CACNA1H: variants seen among roughly 807,000 people sequenced by gnomAD.
The protein encoded by CACNA1H is voltage-dependent T-type calcium channel subunit alpha-1H.
Under a neutral mutation model 192.5 loss-of-function variants are expected in CACNA1H, and 149 were observed. That is an observed-to-expected ratio of 0.77 (90% CI 0.68 to 0.89). The LOEUF (loss-of-function observed/expected upper bound fraction) is 0.89, where lower values mean the gene tolerates loss of function less well. Among genes scored for constraint, CACNA1H ranks in the 40% least tolerant of loss-of-function variants. The probability of loss-of-function intolerance (pLI) is 0.00; values close to 1 mark genes in which losing one functional copy is unlikely to be tolerated. For synonymous variants in CACNA1H, 2,202 were observed against 1,475.2 expected, an observed-to-expected ratio of 1.49 and a Z score of -11.29; for missense variants, 4,257 against 3,423.5, an observed-to-expected ratio of 1.24 and a Z score of -6.08.
At position 1,220,869 on chromosome 16, in the gene CACNA1H, C is replaced by G. The variant is rs1270044133; in HGVS notation, c.6937C>G (p.Pro2313Ala). The G allele has an allele frequency of 6.2e-7, 1 of 1,612,632 alleles. No homozygotes were observed. The highest frequency in any genetic ancestry group is 1.3e-5 in the African/African-American group (1 of 74,928). ...ACCCCCAGAATCAGAGCCTCCCATG[C>G]CCGTCGGTGACCCCCCAGAGAAGAG... is the stretch of plus-strand genomic sequence containing the variant. ...LEPPESEPPM[P>A]VGDPPEKRRG... Residue 2313 changes from proline to alanine, a missense_variant, in exon 35 of 35, where the codon CCC becomes GCC. Transcript: ENST00000348261.
rs576145899 is a variant in CACNA1H, at chr16:1,220,501, C to A, written c.6569C>A (p.Pro2190His). 5.2e-6 allele frequency: 8 copies of A among 1,542,460 alleles called. No individual in the cohort carries two copies. The East Asian group carries it at 1.1e-4, about 22-fold the overall frequency. Residue 2190 changes from proline to histidine, a missense_variant, in exon 35 of 35, where the codon CCC (proline) becomes CAC (histidine). Transcript: ENST00000348261. The part of the protein sequence containing the change: ...GARRKKKMSP[P>H]CISVEPPAED... ...CGCAGAAAGAAGAAGATGAGCCCCCCCTGCATCTCGGTGGAACCCCCTGCG... is the reference window on the plus strand; with the variant it reads ...CGCAGAAAGAAGAAGATGAGCCCCCACTGCATCTCGGTGGAACCCCCTGCG...
chr16:1,158,494 C>A (rs1354191310), intron 2 of CACNA1H, among the ~76,000 whole-genome samples: 1 of 152,200 alleles, frequency 6.6e-6, no homozygotes, highest in Admixed American at 6.5e-5. Flanking sequence ...CATTCCCTCC[C>A]CTTCATGGAA....
chr16:1,165,385 C>G (rs554686717), intron 2 of CACNA1H, among the ~76,000 whole-genome samples: 1 of 152,210 alleles, frequency 6.6e-6, no homozygotes, highest in African/African-American at 2.4e-5. Flanking sequence ...TTCGTGACAG[C>G]ACAGAGTTTT....
chr16:1,200,713 C>A lies in CACNA1H; in HGVS notation c.1120-3C>A, dbSNP rs559931034. 4.5e-6 allele frequency: 7 copies of A among 1,564,568 alleles called. No homozygotes were observed. Among genetic ancestry groups the A allele is most frequent in the East Asian group, 2.4e-5 (1 of 41,790 alleles). On this transcript the variant is annotated splice_polypyrimidine_tract_variant and splice_region_variant and intron_variant, in intron 7 of 34. Coordinates refer to ENST00000348261, the MANE Select transcript of CACNA1H (RefSeq NM_021098.3). ...GGCCCAAGTCAAGCCACTGCCCCCCCAGGTGATCACGCTGGAAGGCTGGGT... is the reference window on the plus strand; with the variant it reads ...GGCCCAAGTCAAGCCACTGCCCCCCAAGGTGATCACGCTGGAAGGCTGGGT...
chr16:1,205,853 C>T (rs912894251), intron 11 of CACNA1H, among the ~76,000 whole-genome samples: 1 of 152,218 alleles, frequency 6.6e-6, no homozygotes, highest in Non-Finnish European at 1.5e-5. Flanking sequence ...CTTCCCTGCC[C>T]TGGCCAGAGC....
rs376034289 is a variant in CACNA1H at position 1,211,823 on chromosome 16, G to T, written c.4566+18G>T. On this transcript the variant is annotated intron_variant, in intron 24 of 34. Coordinates refer to ENST00000348261, the MANE Select transcript of CACNA1H (RefSeq NM_021098.3). ...ACCAGCAGGTGCGCACAGGCGGGTC[G>T]AGCTGGGTCACCTCAGGGTCTCCCG... 1.2e-6 allele frequency: 2 copies of T among 1,611,566 alleles called. No individual in the cohort carries two copies. Among genetic ancestry groups the T allele is most frequent in the Admixed American group, 1.7e-5 (1 of 60,022 alleles).
chr16:1,207,925 G>A (rs1044612864), intron 15 of CACNA1H, 65 bp downstream of exon 15: 9 of 1,540,648 alleles, frequency 5.8e-6, no homozygotes, highest in Middle Eastern at 1.7e-4. Flanking sequence ...GCCGGGCAGG[G>A]CCCCCATAAG....
rs574107044 is a variant in CACNA1H, at chr16:1,170,547, C to T, written c.299+16511C>T. 2.6e-5 allele frequency among the ~76,000 whole-genome samples: 4 copies of T among 152,328 alleles called. No homozygotes were observed. In the East Asian group the frequency reaches 5.8e-4, roughly 22 times the overall value. On this transcript the variant is annotated intron_variant, in intron 2 of 34. Coordinates refer to ENST00000348261, the MANE Select transcript of CACNA1H (RefSeq NM_021098.3). ...TGCGGACCCCCACAAGCCCAGTGGC[C>T]GTCAGCCTTGGGATTTTGGGGTTTT...
At chr16:1,198,006 C>T (rs1379553104) in intron 5 of CACNA1H, among the ~76,000 whole-genome samples, 4 of 152,202 alleles carry the variant, frequency 2.6e-5, no homozygotes, top group Admixed American at 6.5e-5. Flanking sequence ...TCCCCACCGC[C>T]TCCAGCAGCC....
intron 2 of CACNA1H, among the ~76,000 whole-genome samples, chr16:1,182,534 C>T (rs1965579492): frequency 6.6e-6 from 1 of 152,150 alleles, no homozygotes; most frequent in Non-Finnish European, 1.5e-5. Flanking sequence ...TTGGCTGCTG[C>T]CCGGGCTCCC....
In CACNA1H at chr16:1,175,807, C is replaced by T. The variant is rs116941892; in HGVS notation, c.300-19165C>T. ...GGCAGTGGGCGTTGCAGGCCGCGGG[C>T]GAGTTGGGCTGGGCTTGGGATGGTG... On this transcript the variant is annotated intron_variant, in intron 2 of 34. Coordinates refer to ENST00000348261, the MANE Select transcript of CACNA1H (RefSeq NM_021098.3). Among the ~76,000 whole-genome samples the T allele has an allele frequency of 3.4e-3, 524 of 152,242 alleles. 6 individuals carry two copies. Among genetic ancestry groups the T allele is most frequent in the South Asian group, 0.024 (116 of 4,824 alleles).
intron 2 of CACNA1H, among the ~76,000 whole-genome samples, chr16:1,181,068 G>A (rs937935907): frequency 2.5e-4 from 38 of 152,332 alleles, no homozygotes; most frequent in Middle Eastern, 3.4e-3. Flanking sequence ...GTGCAGTGGC[G>A]CTCAGGCAGT....
At chr16:1,157,137 G>A (rs898113270) in intron 2 of CACNA1H, 1 of 152,244 alleles carries the variant, frequency 6.6e-6, no homozygotes, top group African/African-American at 2.4e-5. Flanking sequence ...CACGGACGGG[G>A]CGGGGCCCCC....
At chr16:1,177,104 C>A (rs961467845) in intron 2 of CACNA1H, among the ~76,000 whole-genome samples, 1 of 152,240 alleles carries the variant, frequency 6.6e-6, no homozygotes, top group African/African-American at 2.4e-5. Context: ...CACAGGCTGC[C>A]ACCTTCAGGT....
rs766001608 is a variant in CACNA1H, at chr16:1,198,662, G to C, written c.691G>C (p.Gly231Arg). ...TLLLDTLPML[G>R]NVLLLCFFVF... ...GCTGCTGGATACGCTGCCCATGCTC[G>C]GGAACGTCCTTCTGCTGTGCTTCTT... Residue 231 changes from glycine to arginine, a missense_variant, in exon 6 of 35, where the codon GGG becomes CGG. Physicochemically the swap from Gly to Arg is moderately radical, Grantham distance 125. Transcript: ENST00000348261. The C allele has an allele frequency of 6.2e-7, 1 of 1,613,456 alleles. No homozygotes were observed. The highest frequency in any genetic ancestry group is 8.5e-7 in the Non-Finnish European group (1 of 1,179,640).
At chr16:1,169,349 C>T (rs1021085385) in intron 2 of CACNA1H, among the ~76,000 whole-genome samples, 8 of 152,346 alleles carry the variant, frequency 5.3e-5, no homozygotes, top group Admixed American at 5.2e-4. Context: ...GGCAGAACCC[C>T]CGACCTGCCC....
rs753993842 is a variant in CACNA1H at position 1,209,116 on chromosome 16, C to G, written c.3448C>G (p.Arg1150Gly). 2 of 1,555,008 alleles carry G rather than the reference C, an allele frequency of 1.3e-6. No individual in the cohort carries two copies. Among genetic ancestry groups the G allele is most frequent in the African/African-American group, 1.4e-5 (1 of 73,304 alleles). The change falls in exon 17 of 35, where the codon CGT becomes GGT. Residue 1150 changes from arginine to glycine, a missense_variant. Arg to Gly is a moderately radical substitution (Grantham distance 125). Coordinates refer to ENST00000348261, the MANE Select transcript of CACNA1H (RefSeq NM_021098.3). Reference sequence around the variant, plus strand: ...GCGCTCCAGCTGGAGCAGCCTGGGCCGTGCCCCCAGCCTCAAGCGCCGCGG... The same window carrying G: ...GCGCTCCAGCTGGAGCAGCCTGGGCGGTGCCCCCAGCCTCAAGCGCCGCGG... ...SRRSSWSSLG[R>G]APSLKRRGQC...
chr16:1,221,342 C>G lies in CACNA1H; in HGVS notation c.*348C>G, dbSNP rs1194566105. ...AGGTACCAGGTTGCGTCCTTTCAGG[C>G]CCCGCGTTGTTACAGGACACTCGCT... On this transcript the variant is annotated 3_prime_UTR_variant, in exon 35 of 35. Transcript: ENST00000348261. 1 of 350,112 alleles carries G rather than the reference C, an allele frequency of 2.9e-6. No homozygotes were observed. The allele number at this position is 350,112 out of a possible 1,614,324, so 21.7% of individuals were successfully genotyped here.
At chr16:1,194,123 GC>G (rs1161495356) in intron 2 of CACNA1H, among the ~76,000 whole-genome samples, 1 of 150,820 alleles carries the variant, frequency 6.6e-6, no homozygotes, top group African/African-American at 2.4e-5. Flanking sequence ...GGGAAGGGCG[GC>G]CCCCGAGAGT....
Sources: gnomAD v4.1 joint callset for allele counts (sites outside exome capture counted in the v4.1 genomes callset) on GRCh38, gnomAD v4.1.1 for gene constraint, MANE v1.5 for transcripts, NCBI Gene and HGNC (gene_info 2026-07-23, HGNC 2026-07-21) for gene names.